Variants in CFDP1 observed in about 807,000 individuals in gnomAD.
CFDP1 encodes the protein heterochromatin-stabilizing protein CFDP1.
CFDP1 carries 31 observed loss-of-function variants against 40.1 expected under a neutral mutation model. That is an observed-to-expected ratio of 0.77 (90% confidence interval 0.58 to 1.04). The LOEUF (loss-of-function observed/expected upper bound fraction) is 1.04, where lower values mean the gene tolerates loss of function less well. Ranked by LOEUF, CFDP1 falls within the 50% of genes least tolerant of loss-of-function variation. CFDP1 has a pLI of 0.00. For synonymous variants in CFDP1, 167 were observed against 120.0 expected (o/e 1.39, Z -2.56); for missense variants, 423 against 343.4 (o/e 1.23, Z -1.83).
intron 5 of CFDP1, chr16:75,363,175 G>A (rs2078691234): frequency 6.6e-6 from 1 of 151,544 alleles, no homozygotes; most frequent in Non-Finnish European, 1.5e-5. Flanking sequence ...AAAAAAAAAT[G>A]CTATTTTGTT....
chr16:75,395,065 C>G (rs1451425208), intron 5 of CFDP1, 25 bp downstream of exon 5: 1 of 1,612,830 alleles, frequency 6.2e-7, no homozygotes, highest in East Asian at 2.2e-5. Context: ...CCAAGTACAT[C>G]AGGGAGTGAG....
chr16:75,409,300 T>G (rs376075907), intron 4 of CFDP1: 1 of 152,168 alleles, frequency 6.6e-6, no homozygotes, highest in Non-Finnish European at 1.5e-5. Flanking sequence ...TGAAATGTAA[T>G]GTTATGTCTA....
chr16:75,334,729 C>A (rs938764944), intron 5 of CFDP1, among the ~76,000 whole-genome samples: 1 of 152,028 alleles, frequency 6.6e-6, no homozygotes, highest in Admixed American at 6.6e-5. Flanking sequence ...CTGACGCAGG[C>A]GGATAACTGG....
At chr16:75,412,885 G>C in intron 2 of CFDP1, 131 bp from the exon 3 acceptor site, 1 of 584,474 alleles carries the variant, frequency 1.7e-6, no homozygotes, top group Non-Finnish European at 2.9e-6. Context: ...TTAATATACT[G>C]AAGTGAGTAG....
At chr16:75,369,875 C>G (rs2078739554) in intron 5 of CFDP1, among the ~76,000 whole-genome samples, 2 of 151,974 alleles carry the variant, frequency 1.3e-5, no homozygotes, top group South Asian at 4.2e-4. Flanking sequence ...TCTCATGCCA[C>G]AGCCTCCCCA....
intron 5 of CFDP1, among the ~76,000 whole-genome samples, chr16:75,325,967 C>A (rs1379971819): frequency 1.3e-5 from 2 of 152,150 alleles, no homozygotes; most frequent in Non-Finnish European, 2.9e-5. Context: ...GCCTGCAGAA[C>A]GTTCAATAAT....
chr16:75,323,433 C>CTTTTT lies in CFDP1; in HGVS notation c.651-18256_651-18252dup, dbSNP rs398058379. Among the ~76,000 whole-genome samples, 21 of 142,294 alleles carry CTTTTT rather than the reference C, an allele frequency of 1.5e-4. 1 individual carries two copies. Among genetic ancestry groups the CTTTTT allele is most frequent in the Admixed American group, 6.4e-4 (9 of 14,092 alleles). 93.4% of individuals were successfully genotyped at this position (142,294 alleles called of 152,430 possible). A position where few individuals can be genotyped will look rare whatever the true frequency, so the allele number is the denominator to read the frequency against. ...ACCTGCCTGAGGCTGTTTTACTTAA[C>CTTTTT]TTTTTTTTTTTTTTTAACAAGTAGA... On this transcript the variant is annotated intron_variant, in intron 5 of 6. Coordinates refer to ENST00000283882, the MANE Select transcript of CFDP1 (RefSeq NM_006324.3).
intron 5 of CFDP1, among the ~76,000 whole-genome samples, chr16:75,364,718 A>G (rs1257245857): frequency 1.3e-5 from 2 of 152,216 alleles, no homozygotes; most frequent in Non-Finnish European, 2.9e-5. Context: ...TATGCTACTT[A>G]TGTTAACATG....
At chr16:75,400,472 G>A (rs1018139849) in intron 4 of CFDP1, among the ~76,000 whole-genome samples, 1 of 152,148 alleles carries the variant, frequency 6.6e-6, no homozygotes, top group Admixed American at 6.5e-5. Flanking sequence ...TTTCGAGGTA[G>A]AGGAAAGGAA....
At chr16:75,325,013 T>G (rs147804128) in intron 5 of CFDP1, 1 of 152,248 alleles carries the variant, frequency 6.6e-6, no homozygotes. Flanking sequence ...TGATGGCATA[T>G]GGGAGTCTTC....
intron 2 of CFDP1, 138 bp from the exon 3 acceptor site, chr16:75,412,892 G>GTAGAA (rs1360944377): frequency 9.6e-6 from 5 of 520,160 alleles, no homozygotes; most frequent in Non-Finnish European, 1.7e-5. Flanking sequence ...ACTGAAGTGA[G>GTAGAA]TAGAAGAGTT....
At chr16:75,384,530 G>C (rs1332926667) in intron 5 of CFDP1, among the ~76,000 whole-genome samples, 1 of 152,108 alleles carries the variant, frequency 6.6e-6, no homozygotes, top group East Asian at 1.9e-4. Context: ...AATTGCTTCT[G>C]CCTATTTAGC....
intron 6 of CFDP1, among the ~76,000 whole-genome samples, chr16:75,296,937 A>G (rs943062941): frequency 1.3e-5 from 2 of 152,190 alleles, no homozygotes; most frequent in Non-Finnish European, 2.9e-5. Context: ...AGGTACTAAG[A>G]ATGACAGTAG....
chr16:75,402,224 A>C (rs1260140766), intron 4 of CFDP1, among the ~76,000 whole-genome samples: 2 of 152,210 alleles, frequency 1.3e-5, no homozygotes, highest in Non-Finnish European at 2.9e-5. Context: ...ACAAGAGGGA[A>C]CTCTGACAGG....
At chr16:75,403,371 A>G (rs2079071553) in intron 4 of CFDP1, among the ~76,000 whole-genome samples, 1 of 152,170 alleles carries the variant, frequency 6.6e-6, no homozygotes, top group South Asian at 2.1e-4. Flanking sequence ...GACACACACC[A>G]CAATGACTGG....
chr16:75,380,409 G>T (rs192773714), intron 5 of CFDP1, among the ~76,000 whole-genome samples: 1 of 152,164 alleles, frequency 6.6e-6, no homozygotes, highest in Non-Finnish European at 1.5e-5. Context: ...GCAGGGTGGG[G>T]TGGGGGAAGA....
intron 5 of CFDP1, among the ~76,000 whole-genome samples, chr16:75,310,860 C>G (rs1410879374): frequency 6.6e-6 from 1 of 152,144 alleles, no homozygotes; most frequent in East Asian, 1.9e-4. Context: ...TCCCCAGGTA[C>G]CCAGCTGTTT....
intron 4 of CFDP1, among the ~76,000 whole-genome samples, chr16:75,395,435 C>T (rs2285223): frequency 0.52 from 78,382 of 151,568 alleles, 21,303 homozygotes; most frequent in Admixed American, 0.64. Context: ...CCGAGGCAGG[C>T]GGATCACAAG....
intron 5 of CFDP1, among the ~76,000 whole-genome samples, chr16:75,371,242 G>A (rs1349391088): frequency 6.6e-6 from 1 of 152,122 alleles, no homozygotes; most frequent in Non-Finnish European, 1.5e-5. Context: ...CCTTGCCCAG[G>A]TTATACAACC....
Sources: gnomAD v4.1 joint callset for allele counts (sites outside exome capture counted in the v4.1 genomes callset) on GRCh38, gnomAD v4.1.1 for gene constraint, MANE v1.5 for transcripts, NCBI Gene and HGNC (gene_info 2026-07-23, HGNC 2026-07-21) for gene names.